Variants in MAGI1 observed in about 807,000 individuals in gnomAD.
The protein encoded by MAGI1 is membrane associated guanylate kinase, WW and PDZ domain containing 1, also known as membrane-associated guanylate kinase, WW and PDZ domain-containing protein 1.
A neutral mutation model predicts 139.9 loss-of-function variants in MAGI1; 58 were observed. The ratio of observed to expected loss-of-function variants is 0.41; its 90% CI spans 0.34 to 0.52. MAGI1 has a LOEUF of 0.52. Ranked by LOEUF, MAGI1 falls within the 20% of genes least tolerant of loss-of-function variation. The pLI is 0.12. For synonymous variants in MAGI1, 812 were observed against 737.9 expected (o/e 1.10, Z -1.63); for missense variants, 1,874 against 1,901.6 (o/e 0.99, Z 0.27).
At chr3:65,764,367 C>A (rs2037300116) in intron 1 of MAGI1, among the ~76,000 whole-genome samples, 2 of 152,138 alleles carry the variant, frequency 1.3e-5, no homozygotes, top group Non-Finnish European at 1.5e-5. Flanking sequence ...CCTGTCCACT[C>A]CCCTCTCCCC....
chr3:65,437,496 C>T (rs1360807097), intron 9 of MAGI1, among the ~76,000 whole-genome samples: 1 of 150,958 alleles, frequency 6.6e-6, no homozygotes, highest in Non-Finnish European at 1.5e-5. Flanking sequence ...CTGGAAAGTC[C>T]AAAGTGAAGT....
At chr3:65,690,773 C>CTGGGATTCCAGGA (rs1553691954) in intron 1 of MAGI1, among the ~76,000 whole-genome samples, 1 of 150,960 alleles carries the variant, frequency 6.6e-6, no homozygotes, top group African/African-American at 2.4e-5. Context: ...GGATTACAGG[C>CTGGGATTCCAGGA]ATGAGCCACC....
At chr3:65,472,650 G>A (rs1950620251) in intron 4 of MAGI1, among the ~76,000 whole-genome samples, 1 of 152,170 alleles carries the variant, frequency 6.6e-6, no homozygotes, top group Non-Finnish European at 1.5e-5. Context: ...GCAGAGAGTG[G>A]TGCAGTCTCT....
intron 1 of MAGI1, among the ~76,000 whole-genome samples, chr3:65,959,570 G>A (rs954866708): frequency 6.7e-6 from 1 of 150,370 alleles, no homozygotes; most frequent in African/African-American, 2.4e-5. Flanking sequence ...AAGTAGCTGG[G>A]ACTACAGACA....
At chr3:65,864,361 G>A (rs557633780) in intron 1 of MAGI1, among the ~76,000 whole-genome samples, 111 of 152,276 alleles carry the variant, frequency 7.3e-4, no homozygotes, top group African/African-American at 2.6e-3. Flanking sequence ...TTTCTCCCTG[G>A]TACAGGCCAG....
chr3:65,359,945 C>T (rs1940635241), intron 22 of MAGI1: 2 of 985,206 alleles, frequency 2.0e-6, no homozygotes. Context: ...ATCAATACAC[C>T]TAATGGTCAG....
chr3:65,871,610 A>T (rs2059941854), intron 1 of MAGI1, among the ~76,000 whole-genome samples: 1 of 152,246 alleles, frequency 6.6e-6, no homozygotes, highest in South Asian at 2.1e-4. Flanking sequence ...GAAACACAGC[A>T]GGTGGAGTGA....
chr3:65,471,518 C>A (rs2107586054), intron 4 of MAGI1, among the ~76,000 whole-genome samples: 1 of 152,214 alleles, frequency 6.6e-6, no homozygotes, highest in East Asian at 1.9e-4. Context: ...ACATGCCAAG[C>A]CTACTAAACT....
At chr3:65,613,116 G>A (rs1160589858) in intron 2 of MAGI1, among the ~76,000 whole-genome samples, 2 of 152,106 alleles carry the variant, frequency 1.3e-5, no homozygotes, top group Non-Finnish European at 2.9e-5. Context: ...GGACTGTGGA[G>A]GTGGTTAGAA....
At chr3:65,609,861 G>T in intron 2 of MAGI1, 1 of 222,322 alleles carries the variant, frequency 4.5e-6, no homozygotes, top group South Asian at 4.8e-5. Flanking sequence ...ATAGGCTTGA[G>T]CCATCACGCC....
intron 1 of MAGI1, among the ~76,000 whole-genome samples, chr3:65,733,885 A>G (rs1021687076): frequency 1.3e-5 from 2 of 152,176 alleles, no homozygotes; most frequent in African/African-American, 4.8e-5. Flanking sequence ...CCATGTCACT[A>G]CAGCTGTTGT....
intron 3 of MAGI1, among the ~76,000 whole-genome samples, chr3:65,490,369 T>C (rs6775267): frequency 0.59 from 88,970 of 152,024 alleles, 26,350 homozygotes; most frequent in East Asian, 0.75. Context: ...TGCTTGTTAG[T>C]GTCCACCAAT....
At chr3:65,492,003 A>C (rs1170261849) in intron 3 of MAGI1, among the ~76,000 whole-genome samples, 1 of 152,214 alleles carries the variant, frequency 6.6e-6, no homozygotes, top group Non-Finnish European at 1.5e-5. Context: ...TCATGATATG[A>C]GTGTTAGTCA....
chr3:65,564,055 T>A (rs974490268), intron 2 of MAGI1, among the ~76,000 whole-genome samples: 1 of 152,130 alleles, frequency 6.6e-6, no homozygotes, highest in African/African-American at 2.4e-5. Flanking sequence ...GGGAACAAGA[T>A]GCATATCTCC....
chr3:65,564,022 T>G (rs1478342884), intron 2 of MAGI1, among the ~76,000 whole-genome samples: 1 of 152,186 alleles, frequency 6.6e-6, no homozygotes, highest in Non-Finnish European at 1.5e-5. Flanking sequence ...TAGGCTTTCA[T>G]GCAACTGGAA....
At chr3:65,926,415 G>A (rs2062521997) in intron 1 of MAGI1, among the ~76,000 whole-genome samples, 1 of 150,124 alleles carries the variant, frequency 6.7e-6, no homozygotes, top group South Asian at 2.1e-4. Flanking sequence ...GGTTGGAACA[G>A]AGCAACTCCA....
At chr3:65,451,925 G>T (rs574890116) in intron 6 of MAGI1, among the ~76,000 whole-genome samples, 21 of 152,292 alleles carry the variant, frequency 1.4e-4, no homozygotes, top group African/African-American at 4.3e-4. Context: ...TGAGATTACA[G>T]GTATGAGCCA....
chr3:65,477,691 A>ACAT lies in MAGI1; in HGVS notation c.757+898_757+900dup, dbSNP rs1486617915. 1.4e-3 allele frequency among the ~76,000 whole-genome samples: 97 copies of ACAT among 68,114 alleles called. 1 individual carries two copies. Among genetic ancestry groups the ACAT allele is most frequent in the African/African-American group, 4.7e-3 (95 of 20,330 alleles). The allele number at this position is 68,114 out of a possible 152,430, so 44.7% of individuals were successfully genotyped here. A position where few individuals can be genotyped will look rare whatever the true frequency, so the allele number is the denominator to read the frequency against. On this transcript the variant is annotated intron_variant, in intron 4 of 22. Coordinates refer to ENST00000402939, the MANE Select transcript of MAGI1 (RefSeq NM_001033057.2). ...ACTGCACTAACCCAAGGAACACGCA[A>ACAT]CATTATTATTATTATTATTATTTTT... is the stretch of plus-strand genomic sequence containing the variant.
chr3:65,485,750 A>G lies in MAGI1; in HGVS notation c.551-6952T>C, dbSNP rs147628380. ...AATCTTTATAAACAATCTTAGAGAA[A>G]AAAAGGCATCAATATTCCCATTTTC... On this transcript the variant is annotated intron_variant, in intron 3 of 22. Transcript: ENST00000402939. 4.8e-3 allele frequency among the ~76,000 whole-genome samples: 731 copies of G among 152,374 alleles called. 6 individuals carry two copies. Among genetic ancestry groups the G allele is most frequent in the African/African-American group, 0.016 (677 of 41,592 alleles).
Sources: gnomAD v4.1 joint callset for allele counts (sites outside exome capture counted in the v4.1 genomes callset) on GRCh38, gnomAD v4.1.1 for gene constraint, MANE v1.5 for transcripts, NCBI Gene and HGNC (gene_info 2026-07-23, HGNC 2026-07-21) for gene names.